LILRB5: variants seen among roughly 807,000 people sequenced by gnomAD.
LILRB5 encodes the protein leukocyte immunoglobulin like receptor B5, also known as leukocyte immunoglobulin-like receptor subfamily B member 5.
LILRB5 carries 61 observed loss-of-function variants against 68.4 expected under a neutral mutation model. The ratio of observed to expected loss-of-function variants is 0.89; its 90% CI spans 0.73 to 1.10. The LOEUF (loss-of-function observed/expected upper bound fraction) is 1.10, where lower values mean the gene tolerates loss of function less well. LILRB5 is among the 50% of genes least tolerant of loss of function. The probability of loss-of-function intolerance (pLI) is 0.00; values close to 1 mark genes in which losing one functional copy is unlikely to be tolerated. For synonymous variants in LILRB5, 356 were observed against 315.8 expected, an observed-to-expected ratio of 1.13 and a Z score of -1.35; for missense variants, 771 against 751.6, an observed-to-expected ratio of 1.03 and a Z score of -0.30.
At chr19:54,254,609 C>T (rs770926122) in intron 6 of LILRB5, 126 bp downstream of exon 6, 4 of 1,321,962 alleles carry the variant, frequency 3.0e-6, no homozygotes, top group South Asian at 1.3e-5. Context: ...GGTGAGTCTC[C>T]CTCTGGCTGA....
chr19:54,256,381 C>G, intron 3 of LILRB5, 39 bp from the exon 4 acceptor site: 1 of 1,586,784 alleles, frequency 6.3e-7, no homozygotes, highest in Non-Finnish European at 8.6e-7. Context: ...GGGGCTCCGA[C>G]CTCCCACATC....
intron 9 of LILRB5, 30 bp from the exon 10 acceptor site, chr19:54,252,579 T>C (rs773570767): frequency 1.9e-6 from 3 of 1,612,410 alleles, no homozygotes; most frequent in Non-Finnish European, 2.5e-6. Flanking sequence ...GGGTCAGGCC[T>C]GGGAGAATTC....
rs1447668804 is a variant in LILRB5, at chr19:54,256,678, C to CA, written c.165dup (p.Glu56Ter). 6.2e-7 allele frequency: 1 copy of CA among 1,614,196 alleles called. No individual in the cohort carries two copies. Among genetic ancestry groups the CA allele is most frequent in the Admixed American group, 1.7e-5 (1 of 60,030 alleles). ...CCCTCCTTATCCAGACGGTACTCCT[C>CA]AGTCTCCAGGGGCCCCTGACACCAG... On this transcript the variant is annotated frameshift_variant, in exon 3 of 13. Coordinates refer to ENST00000449561, the MANE Select transcript of LILRB5 (RefSeq NM_001081442.3). LOFTEE classifies it high-confidence loss of function.
At position 54,255,456 on chromosome 19, in the gene LILRB5, T is replaced by C. The variant is rs759307386; in HGVS notation, c.782A>G (p.His261Arg). ...CTGGCCAGAGCCCTGGACGAGGTCA[T>C]GTTCCCCCTCCTTGTACAGAACGAA... ...DIFVLYKEGE[H>R]DLVQGSGQQP... Residue 261 changes from histidine to arginine, a missense_variant, in exon 5 of 13, where the codon CAT becomes CGT. Transcript: ENST00000449561. The C allele has an allele frequency of 1.5e-5, 24 of 1,613,766 alleles. No homozygotes were observed. The highest frequency in any genetic ancestry group is 1.9e-5 in the Non-Finnish European group (23 of 1,179,812).
rs767068570 is a variant in LILRB5 at position 54,256,472 on chromosome 19, C to G, written c.355+17G>C. The G allele has an allele frequency of 2.3e-5, 37 of 1,613,022 alleles. No individual in the cohort carries two copies. Among genetic ancestry groups the G allele is most frequent in the Non-Finnish European group, 3.0e-5 (35 of 1,179,558 alleles). On this transcript the variant is annotated intron_variant, in intron 3 of 12. Transcript: ENST00000449561. ...GAGGGCAGAGCCTGGGGCTGGGACC[C>G]CTGAGTGTCCTCTCACCTGTCGCCA...
At chr19:54,256,370 T>C (rs1295324701) in intron 3 of LILRB5, 28 bp from the exon 4 acceptor site, 17 of 1,589,456 alleles carry the variant, frequency 1.1e-5, no homozygotes, top group Non-Finnish European at 1.5e-5. Context: ...ACGTCTTAAG[T>C]GGGGCTCCGA....
chr19:54,254,321 G>A, intron 7 of LILRB5, 44 bp downstream of exon 7: 1 of 1,546,340 alleles, frequency 6.5e-7, no homozygotes, highest in Non-Finnish European at 8.7e-7. Flanking sequence ...GCTGCCTGGG[G>A]GGAGACCACG....
At chr19:54,255,734 GAGT>G in intron 4 of LILRB5, 152 bp from the exon 5 acceptor site, 1 of 983,982 alleles carries the variant, frequency 1.0e-6, no homozygotes, top group Non-Finnish European at 1.5e-6. Context: ...GTCTGTCTTG[GAGT>G]AGTTCCAGAC....
chr19:54,255,333 G>A lies in LILRB5; in HGVS notation c.905C>T (p.Ser302Phe), dbSNP rs761263592. The A allele has an allele frequency of 1.2e-6, 2 of 1,613,848 alleles. No homozygotes were observed. The highest frequency in any genetic ancestry group is 1.3e-5 in the African/African-American group (1 of 74,924). Reference protein sequence around the residue: ...QYRCYGAHNLSPRWSAPSDPL... With the variant: ...QYRCYGAHNLFPRWSAPSDPL... Reference sequence around the variant, plus strand: ...GTCGCTGGGGGCCGACCACCTAGGGGAGAGGTTGTGTGCACCGTAGCATCT... The same window carrying A: ...GTCGCTGGGGGCCGACCACCTAGGGAAGAGGTTGTGTGCACCGTAGCATCT... The change falls in exon 5 of 13, where the codon TCC (serine) becomes TTC (phenylalanine). Residue 302 changes from serine (S) to phenylalanine (F), a missense_variant. Coordinates refer to ENST00000449561, the MANE Select transcript of LILRB5 (RefSeq NM_001081442.3).
At chr19:54,254,092 G>C (rs539865080) in intron 7 of LILRB5, 24 bp from the exon 8 acceptor site, 48 of 1,585,354 alleles carry the variant, frequency 3.0e-5, no homozygotes, top group Non-Finnish European at 4.0e-5. Context: ...GGGAGGTGAG[G>C]GCTGGGGCTG....
At position 54,256,478 on chromosome 19, in the gene LILRB5, T is replaced by TG. The variant is rs766268154; in HGVS notation, c.355+10dup. On this transcript the variant is annotated intron_variant, in intron 3 of 12. Coordinates refer to ENST00000449561, the MANE Select transcript of LILRB5 (RefSeq NM_001081442.3). ...AGAGCCTGGGGCTGGGACCCCTGAGTGTCCTCTCACCTGTCGCCACCAGCT... is the reference window on the plus strand; with the variant it reads ...AGAGCCTGGGGCTGGGACCCCTGAGTGGTCCTCTCACCTGTCGCCACCAGCT... 6.2e-7 allele frequency: 1 copy of TG among 1,612,792 alleles called. No individual in the cohort carries two copies. Among genetic ancestry groups the TG allele is most frequent in the Non-Finnish European group, 8.5e-7 (1 of 1,179,472 alleles).
intron 12 of LILRB5, chr19:54,251,143 C>G (rs201408272): frequency 0.074 from 107,090 of 1,448,028 alleles, 1,651 homozygotes; most frequent in African/African-American, 0.15. Flanking sequence ...ACGTCACTGC[C>G]TGGGGGTCTT....
rs2079115746 is a variant in LILRB5, at chr19:54,255,644, CGT to C, written c.656-64_656-63del. 4 of 1,494,066 alleles carry C rather than the reference CGT, an allele frequency of 2.7e-6. No homozygotes were observed. The African/African-American group carries it at 5.5e-5, about 21-fold the overall frequency. The allele number at this position is 1,494,066 out of a possible 1,614,324, so 92.6% of individuals were successfully genotyped here. A position where few individuals can be genotyped will look rare whatever the true frequency, so the allele number is the denominator to read the frequency against. On this transcript the variant is annotated intron_variant, in intron 4 of 12. Coordinates refer to ENST00000449561, the MANE Select transcript of LILRB5 (RefSeq NM_001081442.3). The stretch of plus-strand genomic sequence containing the variant: ...TTCCTCCCCCGCCCCTTCCTTCTCC[CGT>C]CCTGGCGTCCTGGCCCTGCAGGTCT...
chr19:54,250,612 G>A lies in LILRB5; in HGVS notation c.*174C>T, dbSNP rs138247799. 1.3e-4 allele frequency: 96 copies of A among 722,866 alleles called. 1 individual carries two copies. In the African/African-American group the frequency reaches 1.6e-3, roughly 12 times the overall value. 44.8% of individuals were successfully genotyped at this position (722,866 alleles called of 1,614,324 possible). On this transcript the variant is annotated 3_prime_UTR_variant, in exon 13 of 13. Coordinates refer to ENST00000449561, the MANE Select transcript of LILRB5 (RefSeq NM_001081442.3). Reference sequence around the variant, plus strand: ...TCATTTCAAAAATGCAAGGATATTAGTCATCTTTGACTGCAGAATCTAGTG... The same window carrying A: ...TCATTTCAAAAATGCAAGGATATTAATCATCTTTGACTGCAGAATCTAGTG...
rs745676108 is a variant in LILRB5 at position 54,255,048 on chromosome 19, G to A, written c.953-11C>T. On this transcript the variant is annotated splice_polypyrimidine_tract_variant and intron_variant, in intron 5 of 12. Transcript: ENST00000449561. The stretch of plus-strand genomic sequence containing the variant: ...TGTCAGGGATCAGTCCTGGAGAGAA[G>A]AAGGATGGGTGAGGGGCTGCCCCAC... The A allele has an allele frequency of 6.3e-7, 1 of 1,588,736 alleles. No homozygotes were observed. The highest frequency in any genetic ancestry group is 8.6e-7 in the Non-Finnish European group (1 of 1,164,788).
intron 8 of LILRB5, 57 bp from the exon 9 acceptor site, chr19:54,253,044 T>C: frequency 8.3e-7 from 1 of 1,207,480 alleles, no homozygotes; most frequent in South Asian, 1.3e-5. Flanking sequence ...GCACCTTCTG[T>C]GTGCAGGCGC....
At chr19:54,253,813 C>T (rs2483832) in intron 8 of LILRB5, 267,438 of 1,467,322 alleles carry the variant, frequency 0.18, 26,603 homozygotes, top group Admixed American at 0.2. Context: ...CCCAGGTCAC[C>T]GTCACTGCTG....
intron 7 of LILRB5, 64 bp downstream of exon 7, chr19:54,254,301 G>T: frequency 1.3e-6 from 2 of 1,523,272 alleles, no homozygotes; most frequent in Non-Finnish European, 1.8e-6. Flanking sequence ...GATCCTCGGG[G>T]AGACTCAGGG....
In LILRB5 at chr19:54,252,929, C is replaced by A; in HGVS notation, c.1416G>T (p.Leu472=). The A allele has an allele frequency of 6.3e-7, 1 of 1,589,478 alleles. No individual in the cohort carries two copies. Among genetic ancestry groups the A allele is most frequent in the Non-Finnish European group, 8.6e-7 (1 of 1,164,578 alleles). ...TGVSVAFVLL[L]FLLLFLLLRH... is the part of the protein sequence containing the mutation. ...GGAGGAGGAGGAAGAGGAGGAGGAA[C>A]AGCAGCAGGACGAAGGCCACTGAGA... The change falls in exon 9 of 13, where the codon CTG becomes CTT. Residue 472 remains leucine (L), a synonymous_variant. Coordinates refer to ENST00000449561, the MANE Select transcript of LILRB5 (RefSeq NM_001081442.3).
Sources: gnomAD v4.1 joint callset for allele counts on GRCh38, gnomAD v4.1.1 for gene constraint, MANE v1.5 for transcripts, NCBI Gene and HGNC (gene_info 2026-07-23, HGNC 2026-07-21) for gene names.